Variants in EFNA5 observed in about 807,000 individuals in gnomAD.
EFNA5 encodes the protein ephrin-A5.
Under a neutral mutation model 22.9 loss-of-function variants are expected in EFNA5, and 5 were observed. The observed-to-expected ratio is 0.22, with a 90% CI of 0.11 to 0.46. The LOEUF (loss-of-function observed/expected upper bound fraction) is 0.46. Among genes scored for constraint, EFNA5 ranks in the 20% least tolerant of loss-of-function variants. EFNA5 has a pLI of 0.99. For missense variants in EFNA5, 237 were observed against 293.3 expected (o/e 0.81, Z 1.40); for synonymous variants, 113 against 112.2 (o/e 1.01, Z -0.04).
chr5:107,570,793 G>A (rs1192450974), intron 1 of EFNA5, among the ~76,000 whole-genome samples: 2 of 152,204 alleles, frequency 1.3e-5, no homozygotes, highest in Non-Finnish European at 2.9e-5. Context: ...TGTGAGCAAA[G>A]TAAGAACCAA....
Position 107,380,176 on chromosome 5 carries a change from G to A in EFNA5, c.*1079C>T, listed in dbSNP as rs1033579256. 3.3e-5 allele frequency: 5 copies of A among 151,824 alleles called. No homozygotes were observed. The highest frequency in any genetic ancestry group is 5.9e-5 in the Non-Finnish European group (4 of 68,066). The allele number at this position is 151,824 out of a possible 1,614,324, so 9.4% of individuals were successfully genotyped here. A position where few individuals can be genotyped will look rare whatever the true frequency, so the allele number is the denominator to read the frequency against. ...GGAGCAAAACGTGGGTACTAGGGTG[G>A]GAGGCGGGGAAAGGCCACAGCACAC... On this transcript the variant is annotated 3_prime_UTR_variant, in exon 5 of 5. Coordinates refer to ENST00000333274, the MANE Select transcript of EFNA5 (RefSeq NM_001962.3).
chr5:107,417,359 T>C (rs1405831360), intron 2 of EFNA5, among the ~76,000 whole-genome samples: 1 of 152,204 alleles, frequency 6.6e-6, no homozygotes, highest in Non-Finnish European at 1.5e-5. Context: ...CTTTAAACTT[T>C]AAAACCAAAC....
At chr5:107,456,737 C>T (rs1400832260) in intron 1 of EFNA5, among the ~76,000 whole-genome samples, 2 of 152,120 alleles carry the variant, frequency 1.3e-5, no homozygotes, top group African/African-American at 2.4e-5. Flanking sequence ...CTCTAATGCT[C>T]ACCTCCTGTC....
chr5:107,383,709 G>A (rs774529656), intron 4 of EFNA5, among the ~76,000 whole-genome samples: 8 of 152,168 alleles, frequency 5.3e-5, no homozygotes, highest in East Asian at 1.9e-4. Context: ...TTAGATCTTC[G>A]GTGTGAACCC....
At chr5:107,495,254 C>T (rs980877531) in intron 1 of EFNA5, among the ~76,000 whole-genome samples, 1 of 152,092 alleles carries the variant, frequency 6.6e-6, no homozygotes, top group Non-Finnish European at 1.5e-5. Flanking sequence ...CTGAAGTCAG[C>T]GGGACCAGGA....
intron 1 of EFNA5, among the ~76,000 whole-genome samples, chr5:107,528,581 T>C (rs1273889518): frequency 6.6e-6 from 1 of 152,198 alleles, no homozygotes; most frequent in Admixed American, 6.6e-5. Context: ...ACCACCTAGC[T>C]AACTTCCATA....
chr5:107,642,653 C>A (rs998275546), intron 1 of EFNA5, among the ~76,000 whole-genome samples: 5 of 151,950 alleles, frequency 3.3e-5, no homozygotes, highest in African/African-American at 9.7e-5. Context: ...TTTTTACTTT[C>A]CTGAAGGACA....
rs557457515 is a variant in EFNA5, at chr5:107,481,378, T to G, written c.126-53869A>C. Among the ~76,000 whole-genome samples, 27 of 152,242 alleles carry G rather than the reference T, an allele frequency of 1.8e-4. No individual in the cohort carries two copies. In the South Asian group the frequency reaches 5.4e-3, roughly 30 times the overall value. On this transcript the variant is annotated intron_variant, in intron 1 of 4. Transcript: ENST00000333274. ...TGGGCCAGGATCCAGCAGGAGGAGA[T>G]CACAGCAAGTGTGCCTTTGAGAAGT...
chr5:107,392,999 CTTAG>C, intron 2 of EFNA5, among the ~76,000 whole-genome samples: 1 of 152,328 alleles, frequency 6.6e-6, no homozygotes, highest in East Asian at 1.9e-4. Flanking sequence ...TCGCATACAA[CTTAG>C]TTTGCTTTTG....
intron 1 of EFNA5, among the ~76,000 whole-genome samples, chr5:107,595,824 G>C (rs1749462642): frequency 6.6e-6 from 1 of 152,092 alleles, no homozygotes; most frequent in South Asian, 2.1e-4. Flanking sequence ...CTCTAAAATG[G>C]GGATAAAATA....
intron 1 of EFNA5, among the ~76,000 whole-genome samples, chr5:107,518,832 CT>C (rs1216352926): frequency 6.6e-6 from 1 of 152,126 alleles, no homozygotes; most frequent in Admixed American, 6.5e-5. Flanking sequence ...TGAACTTTAT[CT>C]TTTTGTTCTA....
intron 1 of EFNA5, among the ~76,000 whole-genome samples, chr5:107,479,459 T>TA (rs77898266): frequency 0.16 from 22,785 of 144,900 alleles, 1,939 homozygotes; most frequent in African/African-American, 0.24. Context: ...AAAACACATT[T>TA]AAAAAAAAAA....
intron 1 of EFNA5, among the ~76,000 whole-genome samples, chr5:107,562,870 G>A (rs1748580339): frequency 6.6e-6 from 1 of 152,204 alleles, no homozygotes; most frequent in African/African-American, 2.4e-5. Flanking sequence ...ATAATTTCTT[G>A]TGGCAATAAT....
intron 4 of EFNA5, 112 bp downstream of exon 4, chr5:107,387,123 G>T: frequency 1.5e-6 from 1 of 681,956 alleles, no homozygotes; most frequent in Non-Finnish European, 2.4e-6. Flanking sequence ...ATGAGCAAAA[G>T]CAGAACAACA....
At chr5:107,550,944 C>A (rs1044638528) in intron 1 of EFNA5, among the ~76,000 whole-genome samples, 19 of 152,154 alleles carry the variant, frequency 1.2e-4, no homozygotes, top group African/African-American at 4.3e-4. Flanking sequence ...ATACAAATAT[C>A]ACATTATAAA....
chr5:107,459,359 A>T (rs1346713376), intron 1 of EFNA5, among the ~76,000 whole-genome samples: 1 of 149,546 alleles, frequency 6.7e-6, no homozygotes, highest in African/African-American at 2.5e-5. Flanking sequence ...TCTCAAAAAA[A>T]ATCAATTGGA....
chr5:107,557,971 G>A (rs995449860), intron 1 of EFNA5, among the ~76,000 whole-genome samples: 1 of 152,130 alleles, frequency 6.6e-6, no homozygotes, highest in Non-Finnish European at 1.5e-5. Context: ...TCATATGATA[G>A]TATCTACCCC....
At chr5:107,646,798 C>G (rs1750640262) in intron 1 of EFNA5, among the ~76,000 whole-genome samples, 1 of 152,112 alleles carries the variant, frequency 6.6e-6, no homozygotes, top group Admixed American at 6.6e-5. Flanking sequence ...TATAGAATGT[C>G]CTTGACCACA....
intron 2 of EFNA5, among the ~76,000 whole-genome samples, chr5:107,412,387 G>GA (rs1748392195): frequency 6.6e-6 from 1 of 152,162 alleles, no homozygotes; most frequent in Non-Finnish European, 1.5e-5. Context: ...GTGGGGGAGA[G>GA]AGAGAAAATG....
Sources: allele counts gnomAD v4.1 joint callset (sites outside exome capture counted in the v4.1 genomes callset), GRCh38; gene constraint gnomAD v4.1.1; transcripts MANE v1.5; gene names NCBI Gene and HGNC (gene_info 2026-07-23, HGNC 2026-07-21).